PLXDC1: variants seen among roughly 807,000 people sequenced by gnomAD.
PLXDC1 encodes plexin domain containing 1, also known as plexin domain-containing protein 1.
A neutral mutation model predicts 61.3 loss-of-function variants in PLXDC1; 39 were observed. That is an observed-to-expected ratio of 0.64 (90% CI 0.49 to 0.83). The LOEUF (loss-of-function observed/expected upper bound fraction) is 0.83, where lower values mean the gene tolerates loss of function less well. Ranked by LOEUF, PLXDC1 falls within the 40% of genes least tolerant of loss-of-function variation. PLXDC1 has a pLI of 0.00. For synonymous variants in PLXDC1, 212 were observed against 254.5 expected (o/e 0.83, Z 1.59); for missense variants, 596 against 666.5 (o/e 0.89, Z 1.17).
At chr17:39,124,330 C>T (rs946533090) in intron 2 of PLXDC1, among the ~76,000 whole-genome samples, 4 of 152,204 alleles carry the variant, frequency 2.6e-5, no homozygotes, top group Non-Finnish European at 5.9e-5. Flanking sequence ...CTGTGGCTCA[C>T]GCCTGTAATC....
chr17:39,083,654 A>T (rs1180253569), intron 8 of PLXDC1, 114 bp from the exon 9 acceptor site: 12 of 791,764 alleles, frequency 1.5e-5, no homozygotes, highest in Non-Finnish European at 2.2e-5. Context: ...CTTTGAGGAG[A>T]CCTTTAAGGT....
At chr17:39,134,916 A>C (rs1359109259) in intron 2 of PLXDC1, among the ~76,000 whole-genome samples, 2 of 152,078 alleles carry the variant, frequency 1.3e-5, no homozygotes, top group Non-Finnish European at 2.9e-5. Flanking sequence ...TCCATCATGC[A>C]GCTGGCTTTC....
At chr17:39,081,654 C>G (rs192670664) in intron 9 of PLXDC1, among the ~76,000 whole-genome samples, 298 of 141,912 alleles carry the variant, frequency 2.1e-3, no homozygotes, top group Middle Eastern at 5.1e-3. Flanking sequence ...TTCTTGATAT[C>G]TTGATAGCCT....
intron 7 of PLXDC1, among the ~76,000 whole-genome samples, chr17:39,094,144 CT>C (rs35244435): frequency 0.17 from 26,193 of 152,042 alleles, 2,446 homozygotes; most frequent in East Asian, 0.23. Context: ...GCAGGTGCCC[CT>C]GAGTGATGCC....
chr17:39,113,829 G>A (rs1166342847), intron 2 of PLXDC1, among the ~76,000 whole-genome samples: 1 of 146,610 alleles, frequency 6.8e-6, no homozygotes, highest in Non-Finnish European at 1.5e-5. Context: ...CAGCCTGAGT[G>A]ACACAGTGAG....
chr17:39,107,260 C>G, intron 6 of PLXDC1, 147 bp downstream of exon 6: 1 of 578,398 alleles, frequency 1.7e-6, no homozygotes. Context: ...ACTTACTGCT[C>G]CAAAAGGGTA....
Position 39,105,891 on chromosome 17 carries a change from A to G in PLXDC1, c.774T>C (p.Asp258=). ...GGGATGGATTGAGAATCATGAAGGCATCCGATAGGCCGGTTTTGACAGGAT... is the reference window on the plus strand; with the variant it reads ...GGGATGGATTGAGAATCATGAAGGCGTCCGATAGGCCGGTTTTGACAGGAT... ...SQHPVKTGLS[D]AFMILNPSPD... The change falls in exon 7 of 14, where the codon GAT becomes GAC. Residue 258 remains aspartate (D), a synonymous_variant. Transcript: ENST00000315392. 1 of 1,614,002 alleles carries G rather than the reference A, an allele frequency of 6.2e-7. No individual in the cohort carries two copies. The highest frequency in any genetic ancestry group is 8.5e-7 in the Non-Finnish European group (1 of 1,179,892).
At chr17:39,122,111 A>AAC in intron 2 of PLXDC1, among the ~76,000 whole-genome samples, 1 of 40,378 alleles carries the variant, frequency 2.5e-5, no homozygotes, top group Admixed American at 2.1e-4. Context: ...AAAAAAAAAA[A>AAC]GGGGGGGGGG....
chr17:39,118,157 CCTTTCTCTTTCTTT>C (rs1341372571), intron 2 of PLXDC1, among the ~76,000 whole-genome samples: 1 of 142,424 alleles, frequency 7.0e-6, no homozygotes. Flanking sequence ...TCTCTTCCTT[CCTTTCTCTTTCTTT>C]CTTTCTCTCT....
intron 6 of PLXDC1, among the ~76,000 whole-genome samples, chr17:39,106,526 C>T (rs921491162): frequency 6.6e-5 from 10 of 151,868 alleles, no homozygotes; most frequent in Middle Eastern, 3.2e-3. Flanking sequence ...TCACTATGTT[C>T]TCCAGACTGG....
chr17:39,119,362 G>A (rs1037213635), intron 2 of PLXDC1, among the ~76,000 whole-genome samples: 11 of 152,140 alleles, frequency 7.2e-5, no homozygotes, highest in African/African-American at 2.7e-4. Context: ...TTATGAATGT[G>A]CAAATTACCC....
intron 7 of PLXDC1, among the ~76,000 whole-genome samples, chr17:39,098,683 A>G (rs1485588918): frequency 3.3e-5 from 5 of 152,206 alleles, no homozygotes; most frequent in Non-Finnish European, 7.3e-5. Context: ...ATTCCACTGC[A>G]TGGCGGAGTG....
intron 8 of PLXDC1, among the ~76,000 whole-genome samples, chr17:39,084,170 C>G (rs1379289466): frequency 6.6e-6 from 1 of 152,190 alleles, no homozygotes; most frequent in Non-Finnish European, 1.5e-5. Flanking sequence ...GTGTATCCCA[C>G]AGTCAAAGGG....
intron 8 of PLXDC1, among the ~76,000 whole-genome samples, chr17:39,084,466 T>C (rs1228560992): frequency 6.6e-6 from 1 of 152,230 alleles, no homozygotes; most frequent in African/African-American, 2.4e-5. Context: ...CAATAAAAGT[T>C]ATTGTTTTAA....
At chr17:39,143,714 C>G (rs1233498408) in intron 1 of PLXDC1, among the ~76,000 whole-genome samples, 1 of 152,260 alleles carries the variant, frequency 6.6e-6, no homozygotes, top group African/African-American at 2.4e-5. Context: ...TGCCGGCCCC[C>G]TCTCACTTCT....
intron 2 of PLXDC1, among the ~76,000 whole-genome samples, chr17:39,127,239 G>A (rs1341885109): frequency 1.3e-5 from 2 of 152,232 alleles, no homozygotes; most frequent in East Asian, 1.9e-4. Flanking sequence ...GCAAGGATAC[G>A]CACGGTCTAC....
chr17:39,086,216 G>A (rs184757246), intron 8 of PLXDC1, among the ~76,000 whole-genome samples: 12 of 152,298 alleles, frequency 7.9e-5, no homozygotes, highest in Non-Finnish European at 1.5e-4. Flanking sequence ...GAGGAACCCT[G>A]GTTCTCAGGC....
rs139195955 is a variant in PLXDC1, at chr17:39,096,402, G to A, written c.812-8700C>T. ...GATGGATTAAAAACTTCCAACGAAG[G>A]GCACTTTAAAGGATCCTTTATCAGA... On this transcript the variant is annotated intron_variant, in intron 7 of 13. Coordinates refer to ENST00000315392, the MANE Select transcript of PLXDC1 (RefSeq NM_020405.5). Among the ~76,000 whole-genome samples the A allele has an allele frequency of 1.6e-3, 244 of 152,312 alleles. 1 individual carries two copies. The highest frequency in any genetic ancestry group is 5.3e-3 in the African/African-American group (221 of 41,570).
upstream of PLXDC1, chr17:39,152,779 A>AC: frequency 1.1e-6 from 1 of 885,246 alleles, no homozygotes; most frequent in Non-Finnish European, 1.5e-6. Context: ...TTAAAAAAAA[A>AC]AAAAAGAAAA....
Sources: gnomAD v4.1 joint callset for allele counts (sites outside exome capture counted in the v4.1 genomes callset) on GRCh38, gnomAD v4.1.1 for gene constraint, MANE v1.5 for transcripts, NCBI Gene and HGNC (gene_info 2026-07-23, HGNC 2026-07-21) for gene names.